Variants in TOB1 observed in about 807,000 individuals in gnomAD.
TOB1 encodes protein Tob1.
Under a neutral mutation model 22.9 loss-of-function variants are expected in TOB1, and 2 were observed. The observed-to-expected ratio is 0.09, with a 90% confidence interval of 0.04 to 0.28. The LOEUF is 0.28. Among genes scored for constraint, TOB1 ranks in the 10% least tolerant of loss-of-function variants. The probability of loss-of-function intolerance (pLI) is 1.00; values close to 1 mark genes in which losing one functional copy is unlikely to be tolerated. For synonymous variants in TOB1, 154 were observed against 150.6 expected (o/e 1.02, Z -0.17); for missense variants, 299 against 420.5 (o/e 0.71, Z 2.53).
At chr17:50,866,390 TCCTCCCCGCCCC>T (rs1972308776), upstream of TOB1, 1 of 151,638 alleles carries the variant, frequency 6.6e-6, no homozygotes, top group East Asian at 2.0e-4. Context: ...TTTTATGGCC[TCCTCCCCGCCCC>T]CATCCCCTCC....
chr17:50,865,564 C>T (rs1972285733), intron 1 of TOB1, among the ~76,000 whole-genome samples: 1 of 152,290 alleles, frequency 6.6e-6, no homozygotes, highest in African/African-American at 2.4e-5. Context: ...GGAAGAGCAA[C>T]CTCTCCCGGC....
chr17:50,865,810 TC>T (rs1567915794), intron 1 of TOB1, among the ~76,000 whole-genome samples: 1 of 150,502 alleles, frequency 6.6e-6, no homozygotes, highest in Non-Finnish European at 1.5e-5. Context: ...ACCCCCCAAT[TC>T]CCGTCAGCTC....
In TOB1 at chr17:50,862,576, G is replaced by A; in HGVS notation, c.*404C>T. The A allele has an allele frequency of 6.4e-6, 1 of 156,246 alleles. No homozygotes were observed. 9.7% of individuals were successfully genotyped at this position (156,246 alleles called of 1,614,324 possible). ...GAAGCTGCTGCTGTCACAGATCACT[G>A]TAGTAAAAAGATATAAATGCAATAC... is the stretch of plus-strand genomic sequence containing the variant. On this transcript the variant is annotated 3_prime_UTR_variant, in exon 2 of 2. Coordinates refer to ENST00000499247, the MANE Select transcript of TOB1 (RefSeq NM_005749.4).
rs148778191 is a variant in TOB1 at position 50,863,422 on chromosome 17, T to C, written c.596A>G (p.Asn199Ser). 602 of 1,614,180 alleles carry C rather than the reference T, an allele frequency of 3.7e-4. 1 individual carries two copies. The African/African-American group carries it at 7.4e-3, about 20-fold the overall frequency. Residue 199 changes from asparagine to serine, a missense_variant, in exon 2 of 2, where the codon AAC becomes AGC. Coordinates refer to ENST00000499247, the MANE Select transcript of TOB1 (RefSeq NM_005749.4). ...STKMKNSGRS[N>S]KVARTSPINL... The stretch of plus-strand genomic sequence containing the variant: ...GATGGGAGAAGTACGTGCAACCTTG[T>C]TGCTACGGCCACTATTCTTCATTTT...
At position 50,863,619 on chromosome 17, in the gene TOB1, G is replaced by A. The variant is rs1409922545; in HGVS notation, c.399C>T (p.Asn133=). The A allele has an allele frequency of 1.9e-6, 3 of 1,613,990 alleles. No individual in the cohort carries two copies. Among genetic ancestry groups the A allele is most frequent in the East Asian group, 2.2e-5 (1 of 44,898 alleles). Residue 133 remains asparagine, a synonymous_variant, in exon 2 of 2, where the codon AAC becomes AAT. Transcript: ENST00000499247. ...TGGGCATAAAAACCTGGGCCTCTGG[G>A]TTAAAGCTGTTTTTGATCTCCTTAT... ...ELDKEIKNSF[N]PEAQVFMPIS... is the part of the protein sequence containing the mutation.
upstream of TOB1, chr17:50,867,547 G>C (rs1972331540): frequency 2.0e-5 from 3 of 152,220 alleles, no homozygotes. Context: ...CGAGGCGATT[G>C]GCTGCCTGGT....
Position 50,862,895 on chromosome 17 carries a change from T to TAA in TOB1, c.*83_*84dup. The TAA allele has an allele frequency of 4.2e-6, 5 of 1,184,766 alleles. No homozygotes were observed. The highest frequency in any genetic ancestry group is 3.0e-5 in the East Asian group (1 of 33,472). The allele number at this position is 1,184,766 out of a possible 1,614,324, so 73.4% of individuals were successfully genotyped here. A position where few individuals can be genotyped will look rare whatever the true frequency, so the allele number is the denominator to read the frequency against. On this transcript the variant is annotated 3_prime_UTR_variant, in exon 2 of 2. Transcript: ENST00000499247. ...CTTGAATGTATCCTTACTATAAGCT[T>TAA]AAAAAAAAAAATTCTCAAGGAGGTG...
chr17:50,863,134 G>C lies in TOB1; in HGVS notation c.884C>G (p.Pro295Arg), dbSNP rs750134241. ...STNGMFPGDS[P>R]LNLSPLQYSN... ...GTACTGGAGAGGACTGAGGTTAAGGGGGCTGTCACCTGGGAACATTCCATT... is the reference window on the plus strand; with the variant it reads ...GTACTGGAGAGGACTGAGGTTAAGGCGGCTGTCACCTGGGAACATTCCATT... The change falls in exon 2 of 2, where the codon CCC becomes CGC. Residue 295 changes from proline (P) to arginine (R), a missense_variant. Pro to Arg is a moderately radical substitution (Grantham distance 103). Transcript: ENST00000499247. 14 of 1,614,108 alleles carry C rather than the reference G, an allele frequency of 8.7e-6. No homozygotes were observed. The South Asian group carries it at 1.3e-4, about 15-fold the overall frequency.
In TOB1 at chr17:50,864,056, C is replaced by CA. The variant is rs71149322; in HGVS notation, c.-40dup. 0.011 allele frequency: 11,014 copies of CA among 1,024,920 alleles called. 63 individuals are homozygous for CA. Among genetic ancestry groups the CA allele is most frequent in the East Asian group, 0.035 (865 of 24,930 alleles). The allele number at this position is 1,024,920 out of a possible 1,614,324, so 63.5% of individuals were successfully genotyped here. Reference sequence around the variant, plus strand: ...CAAAATTAGGTTTCAACTCCCCCACCAAAAAAAAAAAAAAAAAAAAAAGAT... The same window carrying CA: ...CAAAATTAGGTTTCAACTCCCCCACCAAAAAAAAAAAAAAAAAAAAAAAGAT... On this transcript the variant is annotated 5_prime_UTR_variant, in exon 2 of 2. Transcript: ENST00000499247.
In TOB1 at chr17:50,863,843, G is replaced by C. The variant is rs1427666992; in HGVS notation, c.175C>G (p.His59Asp). The stretch of plus-strand genomic sequence containing the variant: ...ACTGGGTCCACTTTCTCCCCTATGT[G>C]TATACATCTAAACCCCGATCCTTTG... Reference protein sequence around the residue: ...PYKGSGFRCIHIGEKVDPVIE... With the variant: ...PYKGSGFRCIDIGEKVDPVIE... Residue 59 changes from histidine to aspartate, a missense_variant, in exon 2 of 2, where the codon CAC becomes GAC. His to Asp is a moderately conservative substitution (Grantham distance 81). Transcript: ENST00000499247. The C allele has an allele frequency of 6.2e-7, 1 of 1,613,994 alleles. No individual in the cohort carries two copies. The highest frequency in any genetic ancestry group is 1.7e-5 in the Admixed American group (1 of 59,992).
chr17:50,866,885 A>G (rs1225519402), upstream of TOB1: 1 of 152,308 alleles, frequency 6.6e-6, no homozygotes, highest in East Asian at 1.9e-4. Flanking sequence ...TGCTCGTGGA[A>G]TAGCTACCAA....
chr17:50,864,937 T>C (rs1379609392), intron 1 of TOB1, among the ~76,000 whole-genome samples: 1 of 152,214 alleles, frequency 6.6e-6, no homozygotes, highest in Non-Finnish European at 1.5e-5. Flanking sequence ...TATTGATTAT[T>C]CTGTTTAAGG....
upstream of TOB1, chr17:50,867,233 C>T (rs1972326248): frequency 6.6e-6 from 1 of 152,306 alleles, no homozygotes; most frequent in Admixed American, 6.5e-5. Flanking sequence ...TATCTGTGTC[C>T]ATGTCTACAC....
upstream of TOB1, chr17:50,867,590 A>T (rs1218704401): frequency 6.6e-6 from 1 of 152,220 alleles, no homozygotes; most frequent in Non-Finnish European, 1.5e-5. Context: ...TCGGACTGGG[A>T]AAAGGGGAAA....
At chr17:50,867,041 T>A (rs972872374), upstream of TOB1, 2 of 152,144 alleles carry the variant, frequency 1.3e-5, no homozygotes, top group Non-Finnish European at 2.9e-5. Context: ...CCCAAAGACG[T>A]GGAGCCGGGC....
intron 1 of TOB1, among the ~76,000 whole-genome samples, chr17:50,864,837 T>G (rs1972272184): frequency 1.3e-5 from 2 of 152,270 alleles, no homozygotes. Flanking sequence ...CCAGCTTCTC[T>G]GGGCCTTTTG....
At position 50,863,439 on chromosome 17, in the gene TOB1, C is replaced by T. The variant is rs1396022134; in HGVS notation, c.579G>A (p.Lys193=). Residue 193 remains lysine, a synonymous_variant, in exon 2 of 2, where the codon AAG becomes AAA. Coordinates refer to ENST00000499247, the MANE Select transcript of TOB1 (RefSeq NM_005749.4). ...CAACCTTGTTGCTACGGCCACTATT[C>T]TTCATTTTGGTAGAGCCGAACTTGG... ...AATKFGSTKM[K]NSGRSNKVAR... 1.9e-6 allele frequency: 3 copies of T among 1,614,136 alleles called. No homozygotes were observed. The South Asian group carries it at 3.3e-5, about 18-fold the overall frequency.
Position 50,863,265 on chromosome 17 carries a change from C to T in TOB1, c.753G>A (p.Pro251=), listed in dbSNP as rs752719098. The T allele has an allele frequency of 4.9e-5, 79 of 1,612,500 alleles. No individual in the cohort carries two copies. Among genetic ancestry groups the T allele is most frequent in the Middle Eastern group, 3.3e-4 (2 of 6,060 alleles). The change falls in exon 2 of 2, where the codon CCG becomes CCA. Residue 251 remains proline, a synonymous_variant. Coordinates refer to ENST00000499247, the MANE Select transcript of TOB1 (RefSeq NM_005749.4). ...GTTGCTGCTGTGGTGGTGGTGGTGG[C>T]GGTGGCGGCTGGGCTGGCTGCTGCT... ...QQQQQPAQPP[P]PPPPPQQQQQ... is the part of the protein sequence containing the mutation.
chr17:50,864,190 A>G, intron 1 of TOB1, 27 bp from the exon 2 acceptor site: 2 of 1,275,456 alleles, frequency 1.6e-6, no homozygotes, highest in Non-Finnish European at 2.0e-6. Flanking sequence ...ACATATCCAA[A>G]TAAGATAAAT....
Sources: allele counts gnomAD v4.1 joint callset (sites outside exome capture counted in the v4.1 genomes callset), GRCh38; gene constraint gnomAD v4.1.1; transcripts MANE v1.5; gene names NCBI Gene and HGNC (gene_info 2026-07-23, HGNC 2026-07-21).